TMEM108: variants seen among roughly 807,000 people sequenced by gnomAD.
TMEM108 encodes the protein cancer/testis antigen 124.
In TMEM108, 12 loss-of-function variants were observed where a neutral mutation model predicts 35.1. That is an observed-to-expected ratio of 0.34 (90% confidence interval 0.22 to 0.55). TMEM108 has a LOEUF of 0.55. Among genes scored for constraint, TMEM108 ranks in the 20% least tolerant of loss-of-function variants. The pLI is 0.89. For missense variants in TMEM108, 680 were observed against 753.3 expected, an observed-to-expected ratio of 0.90 and a Z score of 1.14; for synonymous variants, 287 against 308.6, an observed-to-expected ratio of 0.93 and a Z score of 0.73.
At chr3:133,275,533 A>G (rs996587727) in intron 3 of TMEM108, among the ~76,000 whole-genome samples, 4 of 152,222 alleles carry the variant, frequency 2.6e-5, no homozygotes, top group Non-Finnish European at 4.4e-5. Context: ...GTATTGGATA[A>G]TGCAGCCTGG....
chr3:133,392,843 TGCAATG>T (rs2073254382), intron 5 of TMEM108, among the ~76,000 whole-genome samples: 1 of 152,236 alleles, frequency 6.6e-6, no homozygotes, highest in African/African-American at 2.4e-5. Context: ...CCATGAGTGC[TGCAATG>T]GCCTCTAAAT....
At chr3:133,154,339 G>A (rs1944845694) in intron 2 of TMEM108, among the ~76,000 whole-genome samples, 1 of 151,936 alleles carries the variant, frequency 6.6e-6, no homozygotes, top group Non-Finnish European at 1.5e-5. Flanking sequence ...ATTGCTTTTG[G>A]TGTTTTAGAC....
At chr3:133,283,731 A>G (rs1946946208) in intron 3 of TMEM108, among the ~76,000 whole-genome samples, 1 of 152,220 alleles carries the variant, frequency 6.6e-6, no homozygotes, top group South Asian at 2.1e-4. Context: ...TGATGTTTCT[A>G]ACAATGGCAG....
At chr3:133,088,566 A>G (rs1943910830) in intron 2 of TMEM108, among the ~76,000 whole-genome samples, 1 of 152,194 alleles carries the variant, frequency 6.6e-6, no homozygotes, top group South Asian at 2.1e-4. Flanking sequence ...ATTCTGATTC[A>G]TTTTTATAGA....
chr3:133,382,468 T>A (rs1474446570), intron 4 of TMEM108, among the ~76,000 whole-genome samples: 3 of 152,220 alleles, frequency 2.0e-5, no homozygotes, highest in Non-Finnish European at 4.4e-5. Flanking sequence ...CCTGGGCCTG[T>A]CTCCCATCTG....
chr3:133,188,986 G>T (rs1052337297), intron 2 of TMEM108, among the ~76,000 whole-genome samples: 4 of 152,196 alleles, frequency 2.6e-5, no homozygotes, highest in African/African-American at 9.6e-5. Context: ...GTAGGAGTGG[G>T]TGGGTGTGGA....
chr3:133,213,722 A>T (rs1418863225), intron 2 of TMEM108, among the ~76,000 whole-genome samples: 1 of 152,164 alleles, frequency 6.6e-6, no homozygotes, highest in Non-Finnish European at 1.5e-5. Context: ...GTATTGTCCC[A>T]TTCCATCTTA....
chr3:133,061,834 A>T (rs1943539857), intron 2 of TMEM108, among the ~76,000 whole-genome samples: 1 of 152,180 alleles, frequency 6.6e-6, no homozygotes. Context: ...GTGGATTCAG[A>T]TTTATCACTT....
At chr3:133,352,178 G>A (rs2072022412) in intron 3 of TMEM108, among the ~76,000 whole-genome samples, 1 of 152,112 alleles carries the variant, frequency 6.6e-6, no homozygotes, top group Non-Finnish European at 1.5e-5. Flanking sequence ...GCTTCATTGG[G>A]CTTGGGAATT....
At chr3:133,082,755 G>A (rs1943828739) in intron 2 of TMEM108, among the ~76,000 whole-genome samples, 1 of 152,002 alleles carries the variant, frequency 6.6e-6, no homozygotes, top group Admixed American at 6.6e-5. Flanking sequence ...GGACTTAAGG[G>A]ATCCTTTGGC....
intron 2 of TMEM108, among the ~76,000 whole-genome samples, chr3:133,141,821 G>C (rs1944645617): frequency 6.6e-6 from 1 of 152,108 alleles, no homozygotes; most frequent in Non-Finnish European, 1.5e-5. Flanking sequence ...ACCCTGGAAT[G>C]GAAGTTGAAA....
At chr3:133,229,912 T>A (rs1267732663) in intron 3 of TMEM108, among the ~76,000 whole-genome samples, 1 of 152,240 alleles carries the variant, frequency 6.6e-6, no homozygotes, top group Non-Finnish European at 1.5e-5. Flanking sequence ...ATTATGACTT[T>A]CTTTTTGCAC....
At chr3:133,234,965 A>G (rs1946211876) in intron 3 of TMEM108, among the ~76,000 whole-genome samples, 1 of 152,226 alleles carries the variant, frequency 6.6e-6, no homozygotes, top group African/African-American at 2.4e-5. Flanking sequence ...ATAACAGACA[A>G]ATAGAGAGCC....
intron 2 of TMEM108, among the ~76,000 whole-genome samples, chr3:133,099,305 A>G (rs770849558): frequency 2.6e-5 from 4 of 152,154 alleles, no homozygotes; most frequent in Non-Finnish European, 5.9e-5. Context: ...TGCACGCAGC[A>G]TGGGGACCCT....
intron 2 of TMEM108, among the ~76,000 whole-genome samples, chr3:133,074,968 T>C (rs552203933): frequency 6.6e-6 from 1 of 151,882 alleles, no homozygotes; most frequent in South Asian, 2.1e-4. Context: ...TTATAAAATA[T>C]GTATTGTGTT....
chr3:133,278,341 T>C (rs1038972069), intron 3 of TMEM108, among the ~76,000 whole-genome samples: 1 of 152,244 alleles, frequency 6.6e-6, no homozygotes. Context: ...TTGCTTTATT[T>C]GTAAAATGGG....
intron 3 of TMEM108, among the ~76,000 whole-genome samples, chr3:133,233,883 G>T (rs1200681200): frequency 4.6e-5 from 7 of 151,268 alleles, no homozygotes; most frequent in Non-Finnish European, 1.0e-4. Flanking sequence ...TTTTTGATGG[G>T]GTTGTTTGTT....
At chr3:133,276,066 GA>G (rs1946834652) in intron 3 of TMEM108, among the ~76,000 whole-genome samples, 3 of 152,216 alleles carry the variant, frequency 2.0e-5, no homozygotes, top group Admixed American at 1.3e-4. Context: ...CTGAAAGGGT[GA>G]CCCGTGGAGC....
intron 3 of TMEM108, among the ~76,000 whole-genome samples, chr3:133,324,831 C>G (rs1424608022): frequency 6.6e-6 from 1 of 152,126 alleles, no homozygotes; most frequent in Non-Finnish European, 1.5e-5. Flanking sequence ...CAAAAATTAG[C>G]TGGGCATGGT....
Sources: gnomAD v4.1 joint callset for allele counts (sites outside exome capture counted in the v4.1 genomes callset) on GRCh38, gnomAD v4.1.1 for gene constraint, MANE v1.5 for transcripts, NCBI Gene and HGNC (gene_info 2026-07-23, HGNC 2026-07-21) for gene names.